LIFR: variants seen among roughly 807,000 people sequenced by gnomAD.
LIFR encodes leukemia inhibitory factor receptor.
A neutral mutation model predicts 122.2 loss-of-function variants in LIFR; 84 were observed. The observed-to-expected ratio is 0.69, with a 90% CI of 0.58 to 0.82. The LOEUF is 0.82. LIFR is among the 40% of genes least tolerant of loss of function. LIFR has a pLI of 0.00. For synonymous variants in LIFR, 422 were observed against 434.7 expected, an observed-to-expected ratio of 0.97 and a Z score of 0.36; for missense variants, 1,294 against 1,311.6, an observed-to-expected ratio of 0.99 and a Z score of 0.21.
intron 1 of LIFR, among the ~76,000 whole-genome samples, chr5:38,607,159 A>G (rs1750346139): frequency 6.6e-6 from 1 of 152,156 alleles, no homozygotes; most frequent in African/African-American, 2.4e-5. Context: ...ACATTTATCT[A>G]AGCTATTTTA....
intron 1 of LIFR, among the ~76,000 whole-genome samples, chr5:38,590,072 A>G (rs563692645): frequency 6.6e-6 from 1 of 152,346 alleles, no homozygotes; most frequent in East Asian, 1.9e-4. Flanking sequence ...TGACTTAGTA[A>G]ATGCAGGACC....
At position 38,565,222 on chromosome 5, in the gene LIFR, G is replaced by T. The variant is rs79682081; in HGVS notation, c.-20+30039C>A. On this transcript the variant is annotated intron_variant, in intron 1 of 19. Coordinates refer to the LIFR transcript ENST00000263409. ...CAGTATTCCATTAATATAGTTTTCA[G>T]TATAACAGATATAACAGTGAAAATT... Among the ~76,000 whole-genome samples, 1,292 of 152,236 alleles carry T rather than the reference G, an allele frequency of 8.5e-3. 112 individuals carry two copies. In the East Asian group the frequency reaches 0.2, roughly 23 times the overall value.
chr5:38,500,075 A>C (rs1286167275), intron 11 of LIFR, among the ~76,000 whole-genome samples: 1 of 150,710 alleles, frequency 6.6e-6, no homozygotes, highest in Non-Finnish European at 1.5e-5. Flanking sequence ...CATTCCCTTC[A>C]CCCCCTCCTT....
intron 1 of LIFR, among the ~76,000 whole-genome samples, chr5:38,531,077 A>C (rs768880190): frequency 6.6e-6 from 1 of 152,250 alleles, no homozygotes; most frequent in Non-Finnish European, 1.5e-5. Flanking sequence ...ACTTGTGTTT[A>C]GTCATTTATG....
At chr5:38,591,124 C>G (rs530627340) in intron 1 of LIFR, among the ~76,000 whole-genome samples, 7 of 152,210 alleles carry the variant, frequency 4.6e-5, no homozygotes, top group Non-Finnish European at 5.9e-5. Flanking sequence ...CACAACAACC[C>G]TATCCCTATT....
intron 1 of LIFR, among the ~76,000 whole-genome samples, chr5:38,539,373 T>C (rs1256446421): frequency 6.6e-6 from 1 of 152,130 alleles, no homozygotes; most frequent in Non-Finnish European, 1.5e-5. Flanking sequence ...TGGAAATCAT[T>C]CTCTCCCTTC....
In LIFR at chr5:38,481,231, C is replaced by T; in HGVS notation, c.*364G>A. On this transcript the variant is annotated 3_prime_UTR_variant, in exon 20 of 20. Transcript: ENST00000453190. ...TCCACTTACAATTCCACCAAGTATA[C>T]ACATGAGAAAACCACAAACAACAGA... 1 of 349,424 alleles carries T rather than the reference C, an allele frequency of 2.9e-6. No individual in the cohort carries two copies. The highest frequency in any genetic ancestry group is 4.6e-5 in the South Asian group (1 of 21,660). The allele number at this position is 349,424 out of a possible 1,614,324, so 21.6% of individuals were successfully genotyped here. A position where few individuals can be genotyped will look rare whatever the true frequency, so the allele number is the denominator to read the frequency against.
chr5:38,510,817 A>C (rs1261210012), intron 6 of LIFR, 99 bp from the exon 7 acceptor site: 1 of 984,236 alleles, frequency 1.0e-6, no homozygotes, highest in Non-Finnish European at 1.5e-6. Flanking sequence ...TGACTTTTAA[A>C]ATAGCCCAGT....
intron 1 of LIFR, among the ~76,000 whole-genome samples, chr5:38,545,265 G>C (rs967330586): frequency 6.8e-6 from 1 of 146,994 alleles, no homozygotes; most frequent in Non-Finnish European, 1.5e-5. Flanking sequence ...CCAAGACTCC[G>C]TCTCAAAAAA....
chr5:38,575,015 T>C (rs1357944470), intron 1 of LIFR, among the ~76,000 whole-genome samples: 1 of 152,198 alleles, frequency 6.6e-6, no homozygotes, highest in Non-Finnish European at 1.5e-5. Context: ...CACAGCATAC[T>C]ATTCATAATA....
rs572954936 is a variant in LIFR at position 38,517,856 on chromosome 5, C to CAAAAA, written c.561+5558_561+5562dup. On this transcript the variant is annotated intron_variant, in intron 5 of 19. Transcript: ENST00000453190. ...TGTGCAACAGAGCAAGACACTGTCT[C>CAAAAA]AAAAAAAAAAAAAAAAAAAAAAAAA... Among the ~76,000 whole-genome samples the CAAAAA allele has an allele frequency of 1.7e-3, 25 of 15,040 alleles. 4 individuals are homozygous for CAAAAA. The highest frequency in any genetic ancestry group is 0.01 in the African/African-American group (23 of 2,246). The allele number at this position is 15,040 out of a possible 152,430, so 9.9% of individuals were successfully genotyped here.
In LIFR at chr5:38,482,779, C is replaced by G. The variant is rs56290533; in HGVS notation, c.2592-112G>C. ...TATTTATGAATCCTTTAATGCACAT[C>G]TGAGATTAAAATGGAAGATCTTTAG... On this transcript the variant is annotated intron_variant, in intron 18 of 19. Transcript: ENST00000453190. The G allele has an allele frequency of 2.3e-3, 1,174 of 503,672 alleles. 4 individuals are homozygous for G. Among genetic ancestry groups the G allele is most frequent in the Non-Finnish European group, 1.3e-3 (365 of 287,332 alleles). 31.2% of individuals were successfully genotyped at this position (503,672 alleles called of 1,614,324 possible).
At chr5:38,486,275 G>A (rs957981637) in intron 16 of LIFR, among the ~76,000 whole-genome samples, 2 of 152,140 alleles carry the variant, frequency 1.3e-5, no homozygotes, top group East Asian at 3.9e-4. Context: ...ATAATGCCTG[G>A]CACACAGCAG....
In LIFR at chr5:38,567,552, C is replaced by T. The variant is rs1025682946; in HGVS notation, c.-20+27709G>A. Among the ~76,000 whole-genome samples the T allele has an allele frequency of 1.4e-4, 7 of 49,134 alleles. No individual in the cohort carries two copies. The South Asian group carries it at 4.5e-3, about 32-fold the overall frequency. The allele number at this position is 49,134 out of a possible 152,430, so 32.2% of individuals were successfully genotyped here. On this transcript the variant is annotated intron_variant, in intron 1 of 19. Transcript: ENST00000263409. ...TTTATTTATTTATTTATTTTGAAGA[C>T]TGAGTCTCACTCTGTTGCCCAGGCT... is the stretch of plus-strand genomic sequence containing the variant.
At chr5:38,517,730 G>A (rs2112522404) in intron 5 of LIFR, among the ~76,000 whole-genome samples, 1 of 151,656 alleles carries the variant, frequency 6.6e-6, no homozygotes, top group African/African-American at 2.4e-5. Context: ...GGTGGCATGT[G>A]CCTGTAGTCC....
At chr5:38,506,716 C>A in intron 7 of LIFR, 84 bp from the exon 8 acceptor site, 2 of 1,148,330 alleles carry the variant, frequency 1.7e-6, no homozygotes, top group South Asian at 1.4e-5. Context: ...ATGTTTTCCA[C>A]AATTTCCTAA....
intron 1 of LIFR, among the ~76,000 whole-genome samples, chr5:38,589,786 C>A (rs1749865596): frequency 6.6e-6 from 1 of 151,392 alleles, no homozygotes; most frequent in Admixed American, 6.6e-5. Context: ...CAGAAAGTAG[C>A]TCCACCACTT....
At chr5:38,570,147 G>A (rs1049443777) in intron 1 of LIFR, among the ~76,000 whole-genome samples, 2 of 151,448 alleles carry the variant, frequency 1.3e-5, no homozygotes, top group Admixed American at 1.3e-4. Flanking sequence ...TTGCCCGTCT[G>A]TAAAATGAAG....
At chr5:38,593,484 T>G (rs770607147) in intron 1 of LIFR, among the ~76,000 whole-genome samples, 9 of 152,196 alleles carry the variant, frequency 5.9e-5, no homozygotes, top group African/African-American at 1.2e-4. Flanking sequence ...CTAGTGGCTA[T>G]TATATTGGAC....
Sources: gnomAD v4.1 joint callset for allele counts (sites outside exome capture counted in the v4.1 genomes callset) on GRCh38, gnomAD v4.1.1 for gene constraint, MANE v1.5 for transcripts, NCBI Gene and HGNC (gene_info 2026-07-23, HGNC 2026-07-21) for gene names.